PTPRT: variants seen among roughly 807,000 people sequenced by gnomAD.
The protein encoded by PTPRT is receptor-type tyrosine-protein phosphatase T.
PTPRT carries 56 observed loss-of-function variants against 176.8 expected under a neutral mutation model. The observed-to-expected ratio is 0.32, with a 90% CI of 0.26 to 0.40. PTPRT has a LOEUF of 0.40. Ranked by LOEUF, PTPRT falls within the 10% of genes least tolerant of loss-of-function variation. The pLI, the probability that PTPRT is intolerant of heterozygous loss-of-function variation, is 1.00. For missense variants in PTPRT, 1,540 were observed against 1,908.2 expected (o/e 0.81, Z 3.60); for synonymous variants, 783 against 739.0 (o/e 1.06, Z -0.96).
intron 11 of PTPRT, among the ~76,000 whole-genome samples, chr20:42,348,412 A>C (rs967273847): frequency 2.6e-5 from 2 of 77,648 alleles, no homozygotes; most frequent in Non-Finnish European, 5.6e-5. Context: ...ATTTTTGGAT[A>C]AAAATGTCAC....
chr20:42,760,380 CTTTTTTTTTTTTT>C (rs754362528), intron 5 of PTPRT, among the ~76,000 whole-genome samples: 7 of 94,244 alleles, frequency 7.4e-5, no homozygotes, highest in African/African-American at 2.6e-4. Flanking sequence ...TCTAAATCTG[CTTTTTTTTTTTTT>C]TTTTTTTTTT....
intron 16 of PTPRT, among the ~76,000 whole-genome samples, chr20:42,177,482 A>G (rs1226609438): frequency 6.6e-6 from 1 of 152,246 alleles, no homozygotes; most frequent in East Asian, 1.9e-4. Context: ...TAACACTCTC[A>G]TAAGAATGAA....
chr20:42,039,222 G>T, the PTPRT span, among the ~76,000 whole-genome samples: 4 of 152,064 alleles, frequency 2.6e-5, no homozygotes, highest in African/African-American at 9.7e-5. Context: ...TATTTTAATT[G>T]ACAAGTAAAA....
At chr20:43,014,373 T>G (rs190247599) in intron 1 of PTPRT, among the ~76,000 whole-genome samples, 85 of 152,314 alleles carry the variant, frequency 5.6e-4, no homozygotes, top group African/African-American at 2.0e-3. Flanking sequence ...AAACGGGGTA[T>G]TTTTTCAAGT....
intron 9 of PTPRT, among the ~76,000 whole-genome samples, chr20:42,422,455 A>T (rs2059126799): frequency 6.6e-6 from 1 of 152,258 alleles, no homozygotes; most frequent in African/African-American, 2.4e-5. Flanking sequence ...CATGCTCAAC[A>T]TCACTGATCG....
At chr20:43,155,795 T>A (rs2014500673) in intron 1 of PTPRT, among the ~76,000 whole-genome samples, 1 of 152,186 alleles carries the variant, frequency 6.6e-6, no homozygotes, top group African/African-American at 2.4e-5. Flanking sequence ...GATAAAAACA[T>A]ACAATTTTTT....
chr20:42,256,297 G>C (rs2056637459), intron 13 of PTPRT, among the ~76,000 whole-genome samples: 2 of 152,192 alleles, frequency 1.3e-5, no homozygotes, highest in South Asian at 4.1e-4. Flanking sequence ...GTCCAAGACA[G>C]AAAAGAAGTT....
At chr20:42,868,034 C>T (rs180801327) in intron 2 of PTPRT, among the ~76,000 whole-genome samples, 244 of 151,924 alleles carry the variant, frequency 1.6e-3, no homozygotes, top group African/African-American at 5.6e-3. Context: ...ATGGACAAGA[C>T]GGAAATTAAT....
At position 42,174,856 on chromosome 20, in the gene PTPRT, G is replaced by A. The variant is rs73273431; in HGVS notation, c.2492-13314C>T. ...AGTTTCTGCAAAGCCTTTATGGCTA[G>A]TATCTCTGAAAACTGGAGATAGAAA... is the stretch of plus-strand genomic sequence containing the variant. On this transcript the variant is annotated intron_variant, in intron 16 of 30. Coordinates refer to ENST00000373187, the MANE Select transcript of PTPRT (RefSeq NM_007050.6). Among the ~76,000 whole-genome samples, 521 of 152,310 alleles carry A rather than the reference G, an allele frequency of 3.4e-3. 4 individuals carry two copies. The highest frequency in any genetic ancestry group is 0.012 in the African/African-American group (499 of 41,566).
chr20:42,242,818 C>A (rs976086478), intron 14 of PTPRT, among the ~76,000 whole-genome samples: 2 of 152,146 alleles, frequency 1.3e-5, no homozygotes, highest in Non-Finnish European at 2.9e-5. Context: ...TCACTTCCAC[C>A]TCATGAACCA....
intron 11 of PTPRT, among the ~76,000 whole-genome samples, chr20:42,327,053 G>A (rs2057893547): frequency 6.6e-6 from 1 of 151,014 alleles, no homozygotes. Context: ...ACTAGAGTAT[G>A]AGTTAAATAA....
chr20:42,367,535 A>G (rs2058531559), intron 9 of PTPRT, among the ~76,000 whole-genome samples: 1 of 152,200 alleles, frequency 6.6e-6, no homozygotes, highest in Non-Finnish European at 1.5e-5. Context: ...GAAAAATATA[A>G]TGAATGTAAT....
rs924565092 is a variant in PTPRT at position 42,281,989 on chromosome 20, T to G, written c.2176+500A>C. ...AACAATGCTGCCTTAGTTTTGGGGA[T>G]AAGTGTTGAAAATGCCAACCACGTA... On this transcript the variant is annotated intron_variant, in intron 13 of 30. Transcript: ENST00000373187. Among the ~76,000 whole-genome samples, 8 of 152,138 alleles carry G rather than the reference T, an allele frequency of 5.3e-5. 1 individual carries two copies. Among genetic ancestry groups the G allele is most frequent in the Admixed American group, 5.2e-4 (8 of 15,260 alleles).
chr20:42,656,615 G>A (rs1010709294), intron 7 of PTPRT, among the ~76,000 whole-genome samples: 1 of 152,170 alleles, frequency 6.6e-6, no homozygotes, highest in Non-Finnish European at 1.5e-5. Context: ...CTGTCTCAAA[G>A]TCTTGAAAAT....
chr20:42,081,787 A>G, intron 30 of PTPRT, 95 bp downstream of exon 30: 1 of 1,458,484 alleles, frequency 6.9e-7, no homozygotes, highest in Non-Finnish European at 9.5e-7. Context: ...ATTAGCAGCC[A>G]GGTGTTGAGT....
intron 11 of PTPRT, among the ~76,000 whole-genome samples, chr20:42,341,498 A>G (rs1003242273): frequency 6.6e-6 from 1 of 152,174 alleles, no homozygotes; most frequent in Non-Finnish European, 1.5e-5. Flanking sequence ...TGAAATATAC[A>G]GCCCTGGTTT....
intron 27 of PTPRT, among the ~76,000 whole-genome samples, chr20:42,088,136 C>T (rs1288713428): frequency 6.6e-6 from 1 of 152,112 alleles, no homozygotes; most frequent in Non-Finnish European, 1.5e-5. Flanking sequence ...TGCAGGCTCG[C>T]TGGGGACCAC....
intron 1 of PTPRT, among the ~76,000 whole-genome samples, chr20:42,917,212 A>T (rs146445615): frequency 0.019 from 2,884 of 152,198 alleles, 118 homozygotes; most frequent in African/African-American, 0.066. Context: ...CATTTATTAA[A>T]TAGCAAATCC....
intron 1 of PTPRT, among the ~76,000 whole-genome samples, chr20:42,888,319 T>TA (rs1245194657): frequency 6.6e-6 from 1 of 150,720 alleles, no homozygotes; most frequent in Non-Finnish European, 1.5e-5. Context: ...GACTAATATA[T>TA]AAAGTGTGTC....
Sources: allele counts gnomAD v4.1 joint callset (sites outside exome capture counted in the v4.1 genomes callset), GRCh38; gene constraint gnomAD v4.1.1; transcripts MANE v1.5; gene names NCBI Gene and HGNC (gene_info 2026-07-23, HGNC 2026-07-21).